Variants in STKLD1 observed in about 807,000 individuals in gnomAD.
STKLD1 encodes serine/threonine kinase like domain containing 1.
A neutral mutation model predicts 80.4 loss-of-function variants in STKLD1; 79 were observed. That is an observed-to-expected ratio of 0.98 (90% confidence interval 0.82 to 1.19). The LOEUF is 1.19. STKLD1 is among the 50% of genes most tolerant of loss of function. The pLI is 0.00. For missense variants in STKLD1, 841 were observed against 856.0 expected (o/e 0.98, Z 0.22); for synonymous variants, 393 against 357.6 (o/e 1.10, Z -1.12).
Position 133,390,750 on chromosome 9 carries a change from T to C in STKLD1, c.537T>C (p.Asn179=), listed in dbSNP as rs2130287220. 3 of 1,613,902 alleles carry C rather than the reference T, an allele frequency of 1.9e-6. No individual in the cohort carries two copies. The highest frequency in any genetic ancestry group is 1.3e-5 in the African/African-American group (1 of 75,058). The part of the protein sequence containing the change: ...DHCKLQDLSS[N]VLMTDKAKWN... ...GCAAACTGCAGGACCTGAGTTCCAA[T>C]GTGCTAATGACAGACAAAGCCAAAT... Residue 179 remains asparagine, a synonymous_variant, in exon 7 of 18, where the codon AAT becomes AAC. Coordinates refer to ENST00000371957, the MANE Select transcript of STKLD1 (RefSeq NM_153710.5). The surrounding 1 kb of genome is among the most constrained non-coding windows in gnomAD (Gnocchi z 5.1).
In STKLD1 at chr9:133,385,722, C is replaced by A; in HGVS notation, c.294+31C>A. On this transcript the variant is annotated intron_variant, in intron 4 of 17. Coordinates refer to ENST00000371957, the MANE Select transcript of STKLD1 (RefSeq NM_153710.5). This position sits in a 1 kb window ranked among gnomAD's most constrained non-coding sequence, Gnocchi z 4.9. The stretch of plus-strand genomic sequence containing the variant: ...TCAGAGCTGACACCTACGGGCTCAG[C>A]CGCCACGCAGTGGGCTGCAGGACCA... 1 of 1,604,624 alleles carries A rather than the reference C, an allele frequency of 6.2e-7. No individual in the cohort carries two copies. The highest frequency in any genetic ancestry group is 8.5e-7 in the Non-Finnish European group (1 of 1,173,010).
intron 2 of STKLD1, among the ~76,000 whole-genome samples, chr9:133,381,702 G>A (rs2130266884): frequency 1.3e-5 from 2 of 152,062 alleles, no homozygotes; most frequent in African/African-American, 2.4e-5. Flanking sequence ...CGCCTGCCTC[G>A]GCCTCCCTAA....
chr9:133,383,084 ATGG>A (rs1232722157), intron 2 of STKLD1, among the ~76,000 whole-genome samples: 3 of 144,824 alleles, frequency 2.1e-5, no homozygotes, highest in African/African-American at 2.6e-5. Context: ...TGATGGTGTG[ATGG>A]TGGTAATGAT....
intron 2 of STKLD1, among the ~76,000 whole-genome samples, chr9:133,382,766 G>A (rs1475533156): frequency 7.0e-6 from 1 of 143,118 alleles, no homozygotes; most frequent in Non-Finnish European, 1.5e-5. Flanking sequence ...TAATGATGGT[G>A]ATGATGGTGG....
Position 133,395,726 on chromosome 9 carries a change from A to C in STKLD1, c.829A>C (p.Met277Leu). 6.2e-7 allele frequency: 1 copy of C among 1,613,532 alleles called. No individual in the cohort carries two copies. Among genetic ancestry groups the C allele is most frequent in the Non-Finnish European group, 8.5e-7 (1 of 1,180,008 alleles). ...AACCTTCAGGAATCTTCTGCCCTTG[A>C]TGCTCCAGATCGACCCCTCGGATCG... is the stretch of plus-strand genomic sequence containing the variant. ...VETFRNLLPL[M>L]LQIDPSDRIT... Residue 277 changes from methionine to leucine, a missense_variant, in exon 9 of 18, where the codon ATG becomes CTG. Met to Leu is a conservative substitution (Grantham distance 15). Coordinates refer to ENST00000371957, the MANE Select transcript of STKLD1 (RefSeq NM_153710.5).
rs1310418852 is a variant in STKLD1, at chr9:133,405,671, CGGAAAAAGTGCTCTTGA to C, written c.*253_*269del. 5.3e-6 allele frequency: 2 copies of C among 374,868 alleles called. No homozygotes were observed. The highest frequency in any genetic ancestry group is 4.7e-5 in the Admixed American group (1 of 21,468). 23.2% of individuals were successfully genotyped at this position (374,868 alleles called of 1,614,324 possible). ...TCCTTCCAGGAACTGGTTTCTTGCGCGGAAAAAGTGCTCTTGAGGCTGGAGGCAGCCACCTCTCCCAG... is the reference window on the plus strand; with the variant it reads ...TCCTTCCAGGAACTGGTTTCTTGCGCGGCTGGAGGCAGCCACCTCTCCCAG... On this transcript the variant is annotated 3_prime_UTR_variant, in exon 18 of 18. Transcript: ENST00000371957.
rs2130259429 is a variant in STKLD1, at chr9:133,379,044, C to A, written c.96C>A (p.Tyr32Ter). 1 of 1,613,620 alleles carries A rather than the reference C, an allele frequency of 6.2e-7. No homozygotes were observed. The highest frequency in any genetic ancestry group is 1.7e-5 in the Admixed American group (1 of 59,910). ...CTCTTCCTTGCTGATAGGTTTTGTA[C>A]CAGCTGAATCCTGGGGCCTTGGGGG... is the stretch of plus-strand genomic sequence containing the variant. ...GEPMEKYQVL[Y>*]QLNPGALGVN... is the part of the protein sequence containing the mutation. Residue 32 changes from tyrosine to a stop codon, truncating the protein, a stop_gained, in exon 2 of 18, where the codon TAC becomes TAA. Coordinates refer to ENST00000371957, the MANE Select transcript of STKLD1 (RefSeq NM_153710.5). LOFTEE classifies it high-confidence loss of function.
At chr9:133,404,990 C>T in intron 17 of STKLD1, 61 bp downstream of exon 17, 3 of 1,580,414 alleles carry the variant, frequency 1.9e-6, no homozygotes, top group Non-Finnish European at 2.6e-6. Flanking sequence ...GCCCCGCTCC[C>T]CCTATAACTG....
chr9:133,391,727 G>A (rs1306845464), intron 7 of STKLD1, among the ~76,000 whole-genome samples: 1 of 151,594 alleles, frequency 6.6e-6, no homozygotes, highest in African/African-American at 2.4e-5. Flanking sequence ...CAAACACTCT[G>A]CCTAGGAAAA....
intron 2 of STKLD1, among the ~76,000 whole-genome samples, chr9:133,382,566 G>A (rs1198581352): frequency 1.4e-5 from 2 of 146,818 alleles, no homozygotes; most frequent in Non-Finnish European, 3.0e-5. Flanking sequence ...GTGTGATGAT[G>A]GTGATGGTGG....
intron 2 of STKLD1, among the ~76,000 whole-genome samples, chr9:133,382,995 G>A (rs1436333497): frequency 3.3e-5 from 5 of 150,502 alleles, no homozygotes; most frequent in Non-Finnish European, 7.4e-5. Flanking sequence ...TGGTGGTCGT[G>A]GTGTGATGGT....
chr9:133,405,239 G>A lies in STKLD1; in HGVS notation c.1874-13G>A. The A allele has an allele frequency of 6.3e-7, 1 of 1,588,552 alleles. No individual in the cohort carries two copies. The highest frequency in any genetic ancestry group is 1.1e-5 in the South Asian group (1 of 88,158). On this transcript the variant is annotated splice_polypyrimidine_tract_variant and intron_variant, in intron 17 of 17. Coordinates refer to ENST00000371957, the MANE Select transcript of STKLD1 (RefSeq NM_153710.5). ...AGGACTCTGGCCTCAGGACCTTCCTGCTCCACCTGCAGAGGAGATCCTGCC... is the reference window on the plus strand; with the variant it reads ...AGGACTCTGGCCTCAGGACCTTCCTACTCCACCTGCAGAGGAGATCCTGCC...
chr9:133,395,290 G>T (rs1206004349), intron 8 of STKLD1, among the ~76,000 whole-genome samples: 2 of 152,230 alleles, frequency 1.3e-5, no homozygotes, highest in Non-Finnish European at 2.9e-5. Flanking sequence ...AGCCCAGGCA[G>T]TGTGACCCTG....
intron 17 of STKLD1, 82 bp downstream of exon 17, chr9:133,405,011 A>T: frequency 6.5e-7 from 1 of 1,549,892 alleles, no homozygotes; most frequent in South Asian, 1.2e-5. Context: ...ACAGGGAAGG[A>T]GCACATGGAA....
intron 7 of STKLD1, among the ~76,000 whole-genome samples, chr9:133,393,271 G>T (rs1554776111): frequency 6.9e-6 from 1 of 144,778 alleles, no homozygotes; most frequent in Admixed American, 6.9e-5. Flanking sequence ...TGGATGGGTG[G>T]GCGGGTGGAT....
At chr9:133,404,143 C>T (rs1159618635) in intron 16 of STKLD1, 95 bp downstream of exon 16, 13 of 1,411,136 alleles carry the variant, frequency 9.2e-6, no homozygotes, top group Non-Finnish European at 1.0e-5. Context: ...AACCAAAAAA[C>T]AGAAGCAACA....
intron 17 of STKLD1, 96 bp from the exon 18 acceptor site, chr9:133,405,156 C>T (rs1838817551): frequency 6.8e-7 from 1 of 1,461,948 alleles, no homozygotes; most frequent in Admixed American, 2.2e-5. Context: ...CATGCCAAGC[C>T]CAAGGGGGAA....
In STKLD1 at chr9:133,389,430, G is replaced by T; in HGVS notation, c.397-96G>T. 2 of 1,534,450 alleles carry T rather than the reference G, an allele frequency of 1.3e-6. No individual in the cohort carries two copies. The highest frequency in any genetic ancestry group is 8.8e-7 in the Non-Finnish European group (1 of 1,139,270). On this transcript the variant is annotated intron_variant, in intron 5 of 17. Coordinates refer to ENST00000371957, the MANE Select transcript of STKLD1 (RefSeq NM_153710.5). This position sits in a 1 kb window ranked among gnomAD's most constrained non-coding sequence, Gnocchi z 6.4. ...GGCCTGTCTCAAGATGCAAGGAGAG[G>T]ATACACCACCATCCTGCTGGCTGCT...
At chr9:133,379,588 G>C (rs1838085049) in intron 2 of STKLD1, among the ~76,000 whole-genome samples, 1 of 152,214 alleles carries the variant, frequency 6.6e-6, no homozygotes, top group African/African-American at 2.4e-5. Flanking sequence ...GGCCCAGAGA[G>C]GATGGGGACT....
Sources: gnomAD v4.1 joint callset for allele counts (sites outside exome capture counted in the v4.1 genomes callset) on GRCh38, gnomAD v4.1.1 for gene constraint, Gnocchi (gnomAD v3.1) non-coding constraint, MANE v1.5 for transcripts, NCBI Gene and HGNC (gene_info 2026-07-23, HGNC 2026-07-21) for gene names.